The following ATG5 variants were observed in gnomAD, a reference collection of about 807,000 sequenced individuals.
The protein encoded by ATG5 is autophagy related 5.
Under a neutral mutation model 36.5 loss-of-function variants are expected in ATG5, and 14 were observed. That is an observed-to-expected ratio of 0.38 (90% CI 0.25 to 0.60). ATG5 has a LOEUF of 0.60. Ranked by LOEUF, ATG5 falls within the 20% of genes least tolerant of loss-of-function variation. The pLI is 0.60. For missense variants in ATG5, 195 were observed against 326.7 expected (o/e 0.60, Z 3.11); for synonymous variants, 95 against 101.5 (o/e 0.94, Z 0.38).
chr6:106,204,806 C>A (rs1776572149), intron 6 of ATG5, among the ~76,000 whole-genome samples: 2 of 152,154 alleles, frequency 1.3e-5, no homozygotes, highest in African/African-American at 4.8e-5. Flanking sequence ...AAACCTTTTG[C>A]CTTTATAAAT....
chr6:106,187,895 A>G (rs1298234854), intron 7 of ATG5, among the ~76,000 whole-genome samples: 1 of 151,960 alleles, frequency 6.6e-6, no homozygotes, highest in Admixed American at 6.5e-5. Context: ...AATGTGAAAA[A>G]TAAAAACTTT....
intron 5 of ATG5, among the ~76,000 whole-genome samples, chr6:106,257,303 A>G (rs968661512): frequency 6.6e-6 from 1 of 152,228 alleles, no homozygotes; most frequent in Non-Finnish European, 1.5e-5. Flanking sequence ...ATAATGAAAA[A>G]AGTAAATAGT....
chr6:106,308,435 G>A lies in ATG5; in HGVS notation c.165C>T (p.His55=). 1 of 1,600,126 alleles carries A rather than the reference G, an allele frequency of 6.2e-7. No homozygotes were observed. Among genetic ancestry groups the A allele is most frequent in the African/African-American group, 1.3e-5 (1 of 74,358 alleles). ...CTTCTTGTCTCATAACCTTCTGAAA[G>A]TGCTTTTTCACTTTGTCAGTTACCA... ...LTLVTDKVKK[H]FQKVMRQEDI... The change falls in exon 3 of 8, where the codon CAC becomes CAT. Residue 55 remains histidine, a synonymous_variant. Transcript: ENST00000369076.
intron 4 of ATG5, among the ~76,000 whole-genome samples, chr6:106,292,276 G>A (rs952534638): frequency 1.3e-5 from 2 of 152,152 alleles, no homozygotes; most frequent in Non-Finnish European, 2.9e-5. Context: ...ATTACTGTTC[G>A]TAATCAATTA....
At chr6:106,253,943 T>C (rs560584065) in intron 5 of ATG5, among the ~76,000 whole-genome samples, 3 of 152,288 alleles carry the variant, frequency 2.0e-5, no homozygotes, top group Non-Finnish European at 2.9e-5. Flanking sequence ...CCTCTTCCCC[T>C]AGAAGCAGAT....
intron 6 of ATG5, among the ~76,000 whole-genome samples, chr6:106,226,312 G>A (rs952921118): frequency 1.3e-5 from 2 of 152,148 alleles, no homozygotes; most frequent in African/African-American, 4.8e-5. Context: ...AACAAAAACA[G>A]ACCTTGGGAA....
chr6:106,293,003 G>T, intron 4 of ATG5, 25 bp downstream of exon 4: 2 of 1,579,968 alleles, frequency 1.3e-6, no homozygotes, highest in Non-Finnish European at 8.7e-7. Context: ...CAAATGGGAC[G>T]AAGGAGAAAT....
intron 1 of ATG5, among the ~76,000 whole-genome samples, chr6:106,316,582 TTACC>T (rs1770858922): frequency 6.6e-6 from 1 of 152,104 alleles, no homozygotes; most frequent in South Asian, 2.1e-4. Flanking sequence ...AGTCTACTGC[TTACC>T]TAAAGAGGAG....
chr6:106,265,416 C>G (rs961009672), intron 5 of ATG5, among the ~76,000 whole-genome samples: 7 of 151,894 alleles, frequency 4.6e-5, no homozygotes, highest in African/African-American at 1.7e-4. Context: ...GGATTTTAAC[C>G]CCCCACTGTC....
At chr6:106,217,188 G>GA (rs1227515664) in intron 6 of ATG5, among the ~76,000 whole-genome samples, 1 of 151,964 alleles carries the variant, frequency 6.6e-6, no homozygotes, top group Non-Finnish European at 1.5e-5. Context: ...TATCAATTCA[G>GA]AAAAATTACA....
At chr6:106,288,746 A>AGGTAACT (rs1171535595) in intron 4 of ATG5, among the ~76,000 whole-genome samples, 5 of 152,224 alleles carry the variant, frequency 3.3e-5, no homozygotes, top group African/African-American at 1.2e-4. Flanking sequence ...TAAGAGACAC[A>AGGTAACT]GGTAACTTGA....
chr6:106,281,820 C>T (rs1009900781), intron 4 of ATG5, among the ~76,000 whole-genome samples: 2 of 152,156 alleles, frequency 1.3e-5, no homozygotes, highest in South Asian at 2.1e-4. Flanking sequence ...CTGGTTACTC[C>T]GTGTCCTCAA....
intron 6 of ATG5, among the ~76,000 whole-genome samples, chr6:106,228,764 T>C (rs1386149341): frequency 1.3e-5 from 2 of 152,198 alleles, no homozygotes; most frequent in Non-Finnish European, 1.5e-5. Flanking sequence ...ACTGGGCACC[T>C]GTCGGCCGGT....
At chr6:106,308,771 T>C (rs1387757293) in intron 2 of ATG5, among the ~76,000 whole-genome samples, 2 of 152,312 alleles carry the variant, frequency 1.3e-5, no homozygotes, top group South Asian at 2.1e-4. Flanking sequence ...TAAATAAAAA[T>C]GTAATTAGAT....
At chr6:106,238,914 A>T (rs1398439589) in intron 6 of ATG5, among the ~76,000 whole-genome samples, 1 of 151,998 alleles carries the variant, frequency 6.6e-6, no homozygotes, top group African/African-American at 2.4e-5. Context: ...TTAAAAGCAT[A>T]AAAAAAAGTG....
At chr6:106,293,147 A>G (rs1490835548) in intron 3 of ATG5, 41 bp from the exon 4 acceptor site, 3 of 1,535,352 alleles carry the variant, frequency 2.0e-6, no homozygotes, top group Admixed American at 3.4e-5. Flanking sequence ...TAAATATTTA[A>G]AGTTATAACT....
intron 6 of ATG5, among the ~76,000 whole-genome samples, chr6:106,211,443 G>T (rs375807691): frequency 1.3e-5 from 2 of 152,352 alleles, no homozygotes; most frequent in Admixed American, 6.5e-5. Context: ...GGGCGTGGTG[G>T]CTCACGCCTG....
rs1012431115 is a variant in ATG5, at chr6:106,316,027, C to T, written c.108+74G>A. The T allele has an allele frequency of 3.2e-6, 4 of 1,257,562 alleles. No homozygotes were observed. In the African/African-American group the frequency reaches 6.1e-5, roughly 19 times the overall value. The allele number at this position is 1,257,562 out of a possible 1,614,324, so 77.9% of individuals were successfully genotyped here. On this transcript the variant is annotated intron_variant, in intron 2 of 7. Coordinates refer to ENST00000369076, the MANE Select transcript of ATG5 (RefSeq NM_004849.4). Reference sequence around the variant, plus strand: ...TATCTAAAACGTTACATAATGGCCTCCAAGTTCTTACAGCTTTTTCTTACA... The same window carrying T: ...TATCTAAAACGTTACATAATGGCCTTCAAGTTCTTACAGCTTTTTCTTACA...
chr6:106,204,081 G>A (rs1776535688), intron 6 of ATG5, among the ~76,000 whole-genome samples: 1 of 152,132 alleles, frequency 6.6e-6, no homozygotes, highest in South Asian at 2.1e-4. Context: ...CTGTCGGGGA[G>A]TAGGGGGCTA....
Sources: gnomAD v4.1 joint callset for allele counts (sites outside exome capture counted in the v4.1 genomes callset) on GRCh38, gnomAD v4.1.1 for gene constraint, MANE v1.5 for transcripts, NCBI Gene and HGNC (gene_info 2026-07-23, HGNC 2026-07-21) for gene names.